Variants in MYO9A observed in about 807,000 individuals in gnomAD.
The protein encoded by MYO9A is myosin IXA, also known as unconventional myosin-IXa.
In MYO9A, 103 loss-of-function variants were observed where a neutral mutation model predicts 293.3. The ratio of observed to expected loss-of-function variants is 0.35; its 90% CI spans 0.30 to 0.41. MYO9A has a LOEUF of 0.41. MYO9A is among the 10% of genes least tolerant of loss of function. The pLI is 1.00. For missense variants in MYO9A, 2,685 were observed against 3,033.0 expected (o/e 0.89, Z 2.69); for synonymous variants, 1,001 against 1,035.7 (o/e 0.97, Z 0.64).
At chr15:72,069,802 A>G (rs974683062) in intron 1 of MYO9A, among the ~76,000 whole-genome samples, 7 of 148,542 alleles carry the variant, frequency 4.7e-5, no homozygotes, top group African/African-American at 9.9e-5. Context: ...CTGACTTTCA[A>G]TTAGAATGGG....
chr15:72,010,446 T>A lies in MYO9A; in HGVS notation c.1157A>T (p.Asp386Val), dbSNP rs1480573418. ...WDDYCYDSEPDCFTVEGEDLR... is the reference protein window; with the variant it reads ...WDDYCYDSEPVCFTVEGEDLR... ...ATCTTCTCCTTCCACCGTGAAGCAATCCTGCTTATTTAAAATAAAAGTTTA... is the reference window on the plus strand; with the variant it reads ...ATCTTCTCCTTCCACCGTGAAGCAAACCTGCTTATTTAAAATAAAAGTTTA... Residue 386 changes from aspartate (D) to valine (V), a missense_variant and splice_region_variant, in exon 7 of 42, where the codon GAT (aspartate) becomes GTT (valine). By Grantham distance (152) the Asp-to-Val change is radical. This residue lies in a region of MYO9A where 289 missense variants were observed against 456.8 expected (regional missense o/e 0.63). Transcript: ENST00000356056. 6.2e-7 allele frequency: 1 copy of A among 1,610,502 alleles called. No individual in the cohort carries two copies. The highest frequency in any genetic ancestry group is 1.3e-5 in the African/African-American group (1 of 74,788).
At chr15:72,028,402 C>G (rs887883401) in intron 3 of MYO9A, among the ~76,000 whole-genome samples, 3 of 151,288 alleles carry the variant, frequency 2.0e-5, no homozygotes, top group Non-Finnish European at 4.4e-5. Context: ...AATCCCAGCA[C>G]TTTGGGAGGC....
chr15:71,897,736 A>C lies in MYO9A; in HGVS notation c.4767T>G (p.Ser1589Arg), dbSNP rs2057371182. 6.2e-7 allele frequency: 1 copy of C among 1,613,944 alleles called. No individual in the cohort carries two copies. The highest frequency in any genetic ancestry group is 1.3e-5 in the African/African-American group (1 of 74,882). Residue 1589 changes from serine (S) to arginine (R), a missense_variant, in exon 25 of 42, where the codon AGT (serine) becomes AGG (arginine). Physicochemically the swap from Ser to Arg is moderately radical, Grantham distance 110. Transcript: ENST00000356056. ...CCTTTGGGGGTAAGTGAGCAGAGGA[A>C]CTGTCTTTTTGGGCAAGAGCTGCAT... is the stretch of plus-strand genomic sequence containing the variant. ...LKDAALAQKD[S>R]SSAHLPPKDR...
At chr15:71,880,218 G>T (rs2056831045) in intron 29 of MYO9A, 117 bp downstream of exon 29, 1 of 876,060 alleles carries the variant, frequency 1.1e-6, no homozygotes, top group African/African-American at 1.7e-5. Flanking sequence ...GTAAAGAACA[G>T]ATCATCTAAA....
Position 71,826,588 on chromosome 15 carries a change from T to A in MYO9A, c.7639A>T (p.Met2547Leu). 6.3e-7 allele frequency: 1 copy of A among 1,591,166 alleles called. No homozygotes were observed. The highest frequency in any genetic ancestry group is 8.5e-7 in the Non-Finnish European group (1 of 1,172,108). Residue 2547 changes from methionine (M) to leucine (L), a missense_variant, in exon 42 of 42, where the codon ATG (methionine) becomes TTG (leucine). Around this residue, in one of 10 missense-constraint regions of MYO9A, gnomAD observed 350 missense variants for 328.9 expected, o/e 1.06. Coordinates refer to ENST00000356056, the MANE Select transcript of MYO9A (RefSeq NM_006901.4). ...GACACACATCTGCCGGTTCAGACCA[T>A]AAATTCATTATTTCCAAAGAGTGCT... ...QLALFGNNEFMV is the reference protein window; with the variant it reads ...QLALFGNNEFLV
intron 1 of MYO9A, among the ~76,000 whole-genome samples, chr15:72,108,822 G>C (rs975204159): frequency 2.7e-5 from 4 of 148,636 alleles, no homozygotes; most frequent in Non-Finnish European, 5.9e-5. Context: ...GAGGGCAATG[G>C]TGCAATCTCA....
At chr15:71,857,608 G>A (rs1485275278) in intron 34 of MYO9A, among the ~76,000 whole-genome samples, 2 of 151,232 alleles carry the variant, frequency 1.3e-5, no homozygotes, top group African/African-American at 4.9e-5. Flanking sequence ...CCTTGAGTTA[G>A]TTTAATCTAT....
At chr15:72,012,130 T>A (rs1439494258) in intron 6 of MYO9A, among the ~76,000 whole-genome samples, 1 of 152,198 alleles carries the variant, frequency 6.6e-6, no homozygotes, top group Non-Finnish European at 1.5e-5. Flanking sequence ...CTGTTACCAA[T>A]ATTTTTATTC....
intron 35 of MYO9A, among the ~76,000 whole-genome samples, chr15:71,853,190 A>G (rs1418753917): frequency 6.6e-6 from 1 of 152,242 alleles, no homozygotes; most frequent in Non-Finnish European, 1.5e-5. Context: ...TTCTGTACTT[A>G]CCTGGTTTTG....
intron 1 of MYO9A, among the ~76,000 whole-genome samples, chr15:72,067,974 T>A (rs1219979332): frequency 6.6e-6 from 1 of 152,170 alleles, no homozygotes; most frequent in Non-Finnish European, 1.5e-5. Context: ...AAGCAGAGTT[T>A]AACAGAATAA....
chr15:71,922,000 T>C (rs1239742783), intron 18 of MYO9A, among the ~76,000 whole-genome samples: 4 of 152,076 alleles, frequency 2.6e-5, no homozygotes, highest in South Asian at 2.1e-4. Context: ...TTTTTGAGCA[T>C]GGAGTCTCAC....
chr15:71,873,270 C>T (rs1046896591), intron 32 of MYO9A, among the ~76,000 whole-genome samples: 2 of 152,092 alleles, frequency 1.3e-5, no homozygotes, highest in Admixed American at 6.6e-5. Context: ...TCCCCTTTTC[C>T]TTTAATGTTA....
chr15:71,983,582 A>G (rs1489860636), intron 11 of MYO9A, among the ~76,000 whole-genome samples: 1 of 148,586 alleles, frequency 6.7e-6, no homozygotes, highest in African/African-American at 2.5e-5. Context: ...TCCCAGCTAC[A>G]AGCAATTCTC....
At chr15:72,011,182 T>C (rs1476083516) in intron 6 of MYO9A, among the ~76,000 whole-genome samples, 4 of 151,880 alleles carry the variant, frequency 2.6e-5, no homozygotes, top group Non-Finnish European at 5.9e-5. Context: ...GGTTAGTTTT[T>C]TGTATTTTTA....
intron 1 of MYO9A, among the ~76,000 whole-genome samples, chr15:72,069,655 C>T (rs1567006023): frequency 6.6e-6 from 1 of 152,110 alleles, no homozygotes. Flanking sequence ...AAGGTAGAAA[C>T]ATGTATTACT....
Position 71,956,836 on chromosome 15 carries a change from TACACAC to T in MYO9A, c.2182+3059_2182+3064del, listed in dbSNP as rs779636198. On this transcript the variant is annotated intron_variant, in intron 14 of 41. Coordinates refer to ENST00000356056, the MANE Select transcript of MYO9A (RefSeq NM_006901.4). ...ATATGCTATATATGCTATATATATA[TACACAC>T]ACACACACACACACACAAATATATA... Among the ~76,000 whole-genome samples, 29 of 130,350 alleles carry T rather than the reference TACACAC, an allele frequency of 2.2e-4. No homozygotes were observed. The East Asian group carries it at 6.0e-3, about 27-fold the overall frequency. The allele number at this position is 130,350 out of a possible 152,430, so 85.5% of individuals were successfully genotyped here.
intron 14 of MYO9A, among the ~76,000 whole-genome samples, chr15:71,954,212 TTTTTTTAAGATGGAGTC>T (rs1406532184): frequency 2.7e-5 from 4 of 150,576 alleles, no homozygotes; most frequent in Admixed American, 2.6e-4. Context: ...CTCTTTTTTC[TTTTTTTAAGATGGAGTC>T]TTGCTCTGTC....
At chr15:71,984,181 T>C (rs2076350913) in intron 11 of MYO9A, among the ~76,000 whole-genome samples, 1 of 152,244 alleles carries the variant, frequency 6.6e-6, no homozygotes, top group South Asian at 2.1e-4. Context: ...TAGATGATTT[T>C]GCCCAACTGT....
intron 35 of MYO9A, 29 bp from the exon 36 acceptor site, chr15:71,852,289 G>A: frequency 6.4e-7 from 1 of 1,571,508 alleles, no homozygotes; most frequent in Non-Finnish European, 8.7e-7. Flanking sequence ...TAGATTAACA[G>A]AGCCAAAACA....
Sources: gnomAD v4.1 joint callset for allele counts (sites outside exome capture counted in the v4.1 genomes callset) on GRCh38, gnomAD v4.1.1 for gene constraint, gnomAD v4.1.1 regional missense constraint, MANE v1.5 for transcripts, NCBI Gene and HGNC (gene_info 2026-07-23, HGNC 2026-07-21) for gene names.